Variants in OR4N2 observed in about 807,000 individuals in gnomAD.
OR4N2 encodes the protein olfactory receptor 4N2.
For missense variants in OR4N2, 307 were observed against 377.6 expected (o/e 0.81, Z 1.55); for synonymous variants, 141 against 140.4 (o/e 1.00, Z -0.03).
chr14:19,805,498 G>C (rs1342654237), intron 1 of OR4N2, among the ~76,000 whole-genome samples: 7 of 152,278 alleles, frequency 4.6e-5, no homozygotes, highest in Admixed American at 4.6e-4. Context: ...ATATCTCTGA[G>C]CTCAAAGACC....
intron 1 of OR4N2, among the ~76,000 whole-genome samples, chr14:19,814,649 G>A (rs1486204063): frequency 6.6e-6 from 1 of 152,318 alleles, no homozygotes; most frequent in Non-Finnish European, 1.5e-5. Flanking sequence ...GAGGCAACAG[G>A]AAAAATAAAT....
Position 19,827,745 on chromosome 14 carries a change from T to A in OR4N2, c.297T>A (p.Thr99=), listed in dbSNP as rs1879745558. ...KKIISYRGCI[T]QLFFLHFLGG... ...TAATCTCCTACAGAGGCTGCATCAC[T>A]CAGCTCTTTTTCTTGCACTTCCTTG... Residue 99 remains threonine (T), a synonymous_variant, in exon 2 of 2, where the codon ACT becomes ACA. Transcript: ENST00000557677. The A allele has an allele frequency of 2.5e-6, 4 of 1,614,272 alleles. No individual in the cohort carries two copies. Among genetic ancestry groups the A allele is most frequent in the Non-Finnish European group, 3.4e-6 (4 of 1,180,058 alleles).
chr14:19,825,648 CG>C (rs1879677927), intron 1 of OR4N2, among the ~76,000 whole-genome samples: 1 of 152,288 alleles, frequency 6.6e-6, no homozygotes, highest in South Asian at 2.1e-4. Context: ...CTCTGCCTCC[CG>C]GGTTCACACC....
At chr14:19,808,028 C>A (rs2138460654) in intron 1 of OR4N2, among the ~76,000 whole-genome samples, 1 of 152,172 alleles carries the variant, frequency 6.6e-6, no homozygotes, top group South Asian at 2.1e-4. Flanking sequence ...TCAATAACAT[C>A]CAACATCCCT....
intron 1 of OR4N2, among the ~76,000 whole-genome samples, chr14:19,812,529 T>C (rs1566463782): frequency 6.6e-6 from 1 of 152,160 alleles, no homozygotes; most frequent in Non-Finnish European, 1.5e-5. Context: ...TGTTTGTTTT[T>C]TGTATTTTTC....
chr14:19,809,438 A>G (rs1879243770), intron 1 of OR4N2, among the ~76,000 whole-genome samples: 1 of 152,216 alleles, frequency 6.6e-6, no homozygotes, highest in Non-Finnish European at 1.5e-5. Context: ...GAAAATATTC[A>G]CAAGCTATGA....
chr14:19,812,633 C>A (rs1216313812), intron 1 of OR4N2, among the ~76,000 whole-genome samples: 1 of 152,234 alleles, frequency 6.6e-6, no homozygotes, highest in Non-Finnish European at 1.5e-5. Context: ...GCTGGGATGA[C>A]AGGCGTGAGC....
chr14:19,820,199 G>A (rs1247048905), intron 1 of OR4N2, among the ~76,000 whole-genome samples: 1 of 152,258 alleles, frequency 6.6e-6, no homozygotes, highest in East Asian at 1.9e-4. Flanking sequence ...CTGTCCCTTA[G>A]CAGAGTTCAA....
intron 1 of OR4N2, among the ~76,000 whole-genome samples, chr14:19,806,822 T>C (rs1403681134): frequency 6.6e-6 from 1 of 152,174 alleles, no homozygotes; most frequent in Non-Finnish European, 1.5e-5. Context: ...AAAGCAAGTC[T>C]CAATGCATTC....
At chr14:19,819,958 G>T (rs943747447) in intron 1 of OR4N2, among the ~76,000 whole-genome samples, 3 of 152,254 alleles carry the variant, frequency 2.0e-5, no homozygotes, top group African/African-American at 7.2e-5. Context: ...CTGCAGGTCT[G>T]CTGGAGTTTG....
intron 1 of OR4N2, among the ~76,000 whole-genome samples, chr14:19,821,289 C>G (rs767001393): frequency 2.1e-4 from 32 of 152,312 alleles, no homozygotes; most frequent in Non-Finnish European, 1.8e-4. Context: ...ATGAGATGAG[C>G]TGGGTACCTC....
At chr14:19,827,211 T>C (rs958603106) in intron 1 of OR4N2, among the ~76,000 whole-genome samples, 1 of 152,274 alleles carries the variant, frequency 6.6e-6, no homozygotes, top group Non-Finnish European at 1.5e-5. Flanking sequence ...TAGAAGCACA[T>C]GGTTGAATGG....
intron 1 of OR4N2, among the ~76,000 whole-genome samples, chr14:19,823,105 G>A (rs1879606620): frequency 6.6e-6 from 1 of 152,222 alleles, no homozygotes; most frequent in African/African-American, 2.4e-5. Context: ...AGCAGCATCA[G>A]CATAAATTAA....
At chr14:19,808,647 C>T (rs1169020005) in intron 1 of OR4N2, among the ~76,000 whole-genome samples, 1 of 152,120 alleles carries the variant, frequency 6.6e-6, no homozygotes. Flanking sequence ...GGCCACACTG[C>T]CCAAAGCAGT....
Position 19,828,572 on chromosome 14 carries a change from T to C in OR4N2, c.*200T>C, listed in dbSNP as rs560740569. On this transcript the variant is annotated 3_prime_UTR_variant, in exon 2 of 2. Coordinates refer to ENST00000557677, the MANE Select transcript of OR4N2 (RefSeq NM_001004723.3). ...CAACCTAGTAAAAATAGACCACCAT[T>C]AAGGTAGAAAATAAACAGCATAGTT... The C allele has an allele frequency of 1.1e-5, 6 of 556,132 alleles. No homozygotes were observed. Among genetic ancestry groups the C allele is most frequent in the Non-Finnish European group, 1.6e-5 (5 of 320,678 alleles). 34.4% of individuals were successfully genotyped at this position (556,132 alleles called of 1,614,324 possible).
chr14:19,812,004 ATAGAAGAAATATATGTG>A (rs1324288134), intron 1 of OR4N2, among the ~76,000 whole-genome samples: 4 of 152,264 alleles, frequency 2.6e-5, no homozygotes, highest in Admixed American at 2.6e-4. Flanking sequence ...CTATTTATTC[ATAGAAGAAATATATGTG>A]TAGAGCATAC....
chr14:19,823,349 T>C (rs938282215), intron 1 of OR4N2, among the ~76,000 whole-genome samples: 1 of 152,242 alleles, frequency 6.6e-6, no homozygotes, highest in Non-Finnish European at 1.5e-5. Flanking sequence ...CAGGTTCACT[T>C]ACAAGTATGA....
intron 1 of OR4N2, among the ~76,000 whole-genome samples, chr14:19,817,380 G>C (rs1365063037): frequency 1.3e-5 from 2 of 152,308 alleles, no homozygotes; most frequent in South Asian, 4.1e-4. Context: ...CTTGTTATTT[G>C]TCTATTCAGG....
intron 1 of OR4N2, among the ~76,000 whole-genome samples, chr14:19,808,485 G>A (rs918883050): frequency 3.3e-5 from 5 of 152,086 alleles, no homozygotes; most frequent in Non-Finnish European, 7.4e-5. Flanking sequence ...ATTTACAATA[G>A]CAACAAAGAA....
Sources: gnomAD v4.1 joint callset for allele counts (sites outside exome capture counted in the v4.1 genomes callset) on GRCh38, gnomAD v4.1.1 for gene constraint, MANE v1.5 for transcripts, NCBI Gene and HGNC (gene_info 2026-07-23, HGNC 2026-07-21) for gene names.